The following NAALADL2 variants were observed in gnomAD, a reference collection of about 807,000 sequenced individuals.
The protein encoded by NAALADL2 is inactive N-acetylated-alpha-linked acidic dipeptidase-like protein 2.
Under a neutral mutation model 87.2 loss-of-function variants are expected in NAALADL2, and 76 were observed. The ratio of observed to expected loss-of-function variants is 0.87; its 90% CI spans 0.72 to 1.05. The LOEUF (loss-of-function observed/expected upper bound fraction) is 1.05, where lower values mean the gene tolerates loss of function less well. Ranked by LOEUF, NAALADL2 falls within the 50% of genes least tolerant of loss-of-function variation. The pLI is 0.00. For missense variants in NAALADL2, 1,089 were observed against 945.8 expected (o/e 1.15, Z -1.99); for synonymous variants, 354 against 331.0 (o/e 1.07, Z -0.75).
chr3:175,040,140 A>AGTTTGT (rs1753895926), intron 1 of NAALADL2, among the ~76,000 whole-genome samples: 1 of 152,190 alleles, frequency 6.6e-6, no homozygotes, highest in Non-Finnish European at 1.5e-5. Flanking sequence ...AAACTCCTGA[A>AGTTTGT]TAAACATGTC....
At chr3:174,668,046 T>G (rs1221289969) in intron 2 of NAALADL2, among the ~76,000 whole-genome samples, 3 of 152,142 alleles carry the variant, frequency 2.0e-5, no homozygotes, top group Non-Finnish European at 4.4e-5. Context: ...TTCTTATTTT[T>G]GCAGTGGTTA....
intron 2 of NAALADL2, among the ~76,000 whole-genome samples, chr3:174,705,480 T>C (rs1208783640): frequency 1.3e-5 from 2 of 152,178 alleles, no homozygotes; most frequent in African/African-American, 4.8e-5. Context: ...GAAAGAAATA[T>C]TCCTTTAAAA....
At chr3:175,210,462 TTA>T (rs1741602364) in intron 2 of NAALADL2, among the ~76,000 whole-genome samples, 1 of 151,734 alleles carries the variant, frequency 6.6e-6, no homozygotes, top group African/African-American at 2.4e-5. Context: ...ATGTACATGT[TTA>T]TGTGTTGTAT....
At chr3:174,875,776 G>C (rs1167484840) in intron 1 of NAALADL2, among the ~76,000 whole-genome samples, 4 of 152,054 alleles carry the variant, frequency 2.6e-5, no homozygotes, top group Non-Finnish European at 5.9e-5. Flanking sequence ...TTTAAAAGCA[G>C]TCTTAAAGTA....
At chr3:175,268,572 G>A (rs1370796839) in intron 4 of NAALADL2, among the ~76,000 whole-genome samples, 1 of 151,830 alleles carries the variant, frequency 6.6e-6, no homozygotes, top group Non-Finnish European at 1.5e-5. Context: ...TTTACTTTAT[G>A]AACTTTTTAC....
At chr3:175,280,614 G>T (rs1581241556) in intron 4 of NAALADL2, among the ~76,000 whole-genome samples, 1 of 152,154 alleles carries the variant, frequency 6.6e-6, no homozygotes, top group East Asian at 1.9e-4. Flanking sequence ...ATGATCACTT[G>T]CTTCGGAATC....
At chr3:175,530,002 TG>T (rs1038029978) in intron 9 of NAALADL2, among the ~76,000 whole-genome samples, 4 of 152,158 alleles carry the variant, frequency 2.6e-5, no homozygotes, top group African/African-American at 9.7e-5. Flanking sequence ...TGGTCTCTGC[TG>T]CTGGCAAATT....
At chr3:175,564,603 T>C (rs1315925369) in intron 9 of NAALADL2, among the ~76,000 whole-genome samples, 1 of 152,228 alleles carries the variant, frequency 6.6e-6, no homozygotes, top group Non-Finnish European at 1.5e-5. Context: ...GCTGAAGTTA[T>C]GTTATGTCAG....
At chr3:175,005,794 T>C (rs1748937171) in intron 1 of NAALADL2, among the ~76,000 whole-genome samples, 1 of 152,198 alleles carries the variant, frequency 6.6e-6, no homozygotes, top group South Asian at 2.1e-4. Context: ...TGTTTTATTT[T>C]AGATTTAAGA....
At chr3:175,610,814 T>C (rs1724530982) in intron 10 of NAALADL2, among the ~76,000 whole-genome samples, 1 of 152,130 alleles carries the variant, frequency 6.6e-6, no homozygotes, top group East Asian at 1.9e-4. Context: ...TGGCATTTAC[T>C]GAACAGTTCT....
At chr3:175,404,057 A>T (rs1711846718) in intron 5 of NAALADL2, among the ~76,000 whole-genome samples, 1 of 152,152 alleles carries the variant, frequency 6.6e-6, no homozygotes, top group South Asian at 2.1e-4. Flanking sequence ...TTTGGGGGAC[A>T]TAGATGGCAT....
intron 10 of NAALADL2, among the ~76,000 whole-genome samples, chr3:175,624,656 A>G (rs1214828147): frequency 6.6e-6 from 1 of 152,070 alleles, no homozygotes; most frequent in African/African-American, 2.4e-5. Context: ...CATGGTATGT[A>G]TAATACATAG....
chr3:175,599,777 T>C (rs149709631), intron 10 of NAALADL2, among the ~76,000 whole-genome samples: 5,232 of 152,274 alleles, frequency 0.034, 133 homozygotes, highest in Non-Finnish European at 0.047. Flanking sequence ...AAATGGTATC[T>C]TTATTATGAT....
At chr3:174,864,150 A>G in intron 1 of NAALADL2, 1 of 445,864 alleles carries the variant, frequency 2.2e-6, no homozygotes, top group African/African-American at 2.0e-5. Context: ...GACTGGGTAC[A>G]TTTTCCAGGT....
chr3:174,605,929 C>T (rs1718998687), intron 2 of NAALADL2, among the ~76,000 whole-genome samples: 1 of 152,170 alleles, frequency 6.6e-6, no homozygotes, highest in Admixed American at 6.5e-5. Context: ...CCAGTAGGGG[C>T]AGACTGACAC....
At chr3:175,717,672 C>T (rs1741504458) in intron 11 of NAALADL2, among the ~76,000 whole-genome samples, 1 of 142,660 alleles carries the variant, frequency 7.0e-6, no homozygotes, top group Non-Finnish European at 1.5e-5. Context: ...GCCTGGATGA[C>T]AGAATGAGAC....
chr3:174,820,676 A>T (rs772225401), intron 3 of NAALADL2, among the ~76,000 whole-genome samples: 12 of 152,168 alleles, frequency 7.9e-5, no homozygotes, highest in Non-Finnish European at 1.2e-4. Context: ...TCTATAGAAA[A>T]TACTGCAAAA....
rs541345436 is a variant in NAALADL2, at chr3:175,503,693, G to A, written c.1653+31935G>A. Among the ~76,000 whole-genome samples, 8 of 145,506 alleles carry A rather than the reference G, an allele frequency of 5.5e-5. No homozygotes were observed. In the South Asian group the frequency reaches 1.7e-3, roughly 31 times the overall value. ...TTCTCTAATTATTGAAGTTGAGCAT[G>A]TTTTCACATGCTTGTTGGCTACACG... is the stretch of plus-strand genomic sequence containing the variant. On this transcript the variant is annotated intron_variant, in intron 9 of 13. Coordinates refer to ENST00000454872, the MANE Select transcript of NAALADL2 (RefSeq NM_207015.3).
intron 5 of NAALADL2, among the ~76,000 whole-genome samples, chr3:175,388,201 T>A (rs1197307055): frequency 1.3e-5 from 2 of 152,132 alleles, no homozygotes; most frequent in African/African-American, 4.8e-5. Context: ...AGTCTGGTCA[T>A]TTTTTATTTG....
Sources: allele counts gnomAD v4.1 joint callset (sites outside exome capture counted in the v4.1 genomes callset), GRCh38; gene constraint gnomAD v4.1.1; transcripts MANE v1.5; gene names NCBI Gene and HGNC (gene_info 2026-07-23, HGNC 2026-07-21).